GUCY1A2: variants seen among roughly 807,000 people sequenced by gnomAD.
GUCY1A2 encodes the protein guanylate cyclase soluble subunit alpha-2.
A neutral mutation model predicts 63.5 loss-of-function variants in GUCY1A2; 27 were observed. The observed-to-expected ratio is 0.43, with a 90% CI of 0.31 to 0.59. The LOEUF (loss-of-function observed/expected upper bound fraction) is 0.59. Among genes scored for constraint, GUCY1A2 ranks in the 20% least tolerant of loss-of-function variants. GUCY1A2 has a pLI of 0.11. For missense variants in GUCY1A2, 768 were observed against 913.3 expected (o/e 0.84, Z 2.05); for synonymous variants, 364 against 343.5 (o/e 1.06, Z -0.66).
intron 4 of GUCY1A2, among the ~76,000 whole-genome samples, chr11:106,901,936 G>A (rs763409952): frequency 1.3e-4 from 20 of 151,998 alleles, no homozygotes; most frequent in African/African-American, 3.9e-4. Flanking sequence ...GAATAGTGCC[G>A]CAATAACATG....
chr11:106,911,587 T>C (rs1320736798), intron 4 of GUCY1A2, among the ~76,000 whole-genome samples: 1 of 152,050 alleles, frequency 6.6e-6, no homozygotes, highest in East Asian at 1.9e-4. Context: ...GCATGTAAAT[T>C]ACAATTTTAA....
chr11:106,768,042 A>T (rs781689702), intron 6 of GUCY1A2, among the ~76,000 whole-genome samples: 3 of 152,360 alleles, frequency 2.0e-5, no homozygotes, highest in Non-Finnish European at 4.4e-5. Context: ...AAAGCAGAGC[A>T]TCATGACTAA....
intron 4 of GUCY1A2, among the ~76,000 whole-genome samples, chr11:106,883,999 T>C (rs1026160754): frequency 1.3e-5 from 2 of 151,932 alleles, no homozygotes; most frequent in African/African-American, 2.4e-5. Flanking sequence ...ATGAGAACAC[T>C]TGGACACAGG....
At chr11:106,837,795 G>T (rs991017115) in intron 4 of GUCY1A2, among the ~76,000 whole-genome samples, 2 of 151,862 alleles carry the variant, frequency 1.3e-5, no homozygotes, top group African/African-American at 4.8e-5. Flanking sequence ...CCACTGTATT[G>T]CAACTGTTCC....
intron 4 of GUCY1A2, among the ~76,000 whole-genome samples, chr11:106,902,909 C>T (rs1266638351): frequency 2.0e-5 from 3 of 152,174 alleles, no homozygotes; most frequent in African/African-American, 4.8e-5. Flanking sequence ...CTTGAGCATC[C>T]GTGGATTTTG....
intron 1 of GUCY1A2, among the ~76,000 whole-genome samples, chr11:107,015,357 C>T (rs993159812): frequency 2.6e-5 from 4 of 151,888 alleles, no homozygotes; most frequent in Admixed American, 6.6e-5. Flanking sequence ...TTCTTTTCAT[C>T]CAGCAAAAAG....
intron 4 of GUCY1A2, among the ~76,000 whole-genome samples, chr11:106,839,374 G>T (rs1859164092): frequency 6.6e-6 from 1 of 152,042 alleles, no homozygotes; most frequent in East Asian, 2.0e-4. Flanking sequence ...TGCTGGAGGG[G>T]ACGTGGAGAA....
chr11:106,781,150 G>T (rs1864456448), intron 5 of GUCY1A2, among the ~76,000 whole-genome samples: 1 of 140,164 alleles, frequency 7.1e-6, no homozygotes. Flanking sequence ...CTGTCTAAAA[G>T]TTGACTTTGT....
chr11:106,915,012 G>A (rs1308619818), intron 4 of GUCY1A2, among the ~76,000 whole-genome samples: 2 of 152,066 alleles, frequency 1.3e-5, no homozygotes, highest in Admixed American at 6.6e-5. Flanking sequence ...CAGCAATCCT[G>A]CAAAAGTAAA....
chr11:106,891,559 A>G (rs544758143), intron 4 of GUCY1A2, among the ~76,000 whole-genome samples: 137 of 152,206 alleles, frequency 9.0e-4, no homozygotes, highest in African/African-American at 3.0e-3. Flanking sequence ...TAGAAGCTGT[A>G]TTTATGTCTA....
chr11:107,008,948 T>C (rs1017862835), intron 1 of GUCY1A2, among the ~76,000 whole-genome samples: 2 of 152,220 alleles, frequency 1.3e-5, no homozygotes, highest in Non-Finnish European at 2.9e-5. Flanking sequence ...GACTCACGCA[T>C]AACAAATATT....
intron 1 of GUCY1A2, among the ~76,000 whole-genome samples, chr11:107,001,351 A>G (rs1287924431): frequency 6.6e-6 from 1 of 152,160 alleles, no homozygotes; most frequent in East Asian, 1.9e-4. Context: ...GACAGAACTT[A>G]TTTTTTCTTC....
chr11:106,746,102 T>A, intron 6 of GUCY1A2, among the ~76,000 whole-genome samples: 1 of 152,066 alleles, frequency 6.6e-6, no homozygotes, highest in Middle Eastern at 3.4e-3. Context: ...GTAGAAGCCA[T>A]GAATGAAAGC....
In GUCY1A2 at chr11:106,687,760, A is replaced by G; in HGVS notation, c.1992-4T>C. On this transcript the variant is annotated splice_polypyrimidine_tract_variant and splice_region_variant and intron_variant, in intron 7 of 7. Transcript: ENST00000526355. ...ACTTTCTTCTCGTTTTAATAATCTA[A>G]GAAGAAAATACAGAGCACATGAATC... 2 of 1,589,786 alleles carry G rather than the reference A, an allele frequency of 1.3e-6. No homozygotes were observed. Among genetic ancestry groups the G allele is most frequent in the Non-Finnish European group, 1.7e-6 (2 of 1,157,932 alleles).
At chr11:106,718,235 T>C (rs1351948277) in intron 6 of GUCY1A2, among the ~76,000 whole-genome samples, 1 of 152,148 alleles carries the variant, frequency 6.6e-6, no homozygotes, top group Non-Finnish European at 1.5e-5. Context: ...CACTGGTAAT[T>C]TCAGACCATA....
intron 4 of GUCY1A2, among the ~76,000 whole-genome samples, chr11:106,858,304 G>T (rs1259955603): frequency 6.6e-6 from 1 of 152,094 alleles, no homozygotes; most frequent in Non-Finnish European, 1.5e-5. Context: ...TTATTTGTCA[G>T]GGAAAAGATT....
At chr11:106,965,624 G>A (rs1017119127) in intron 3 of GUCY1A2, among the ~76,000 whole-genome samples, 3 of 152,150 alleles carry the variant, frequency 2.0e-5, no homozygotes, top group East Asian at 1.9e-4. Context: ...TATACCTCCT[G>A]CCATGTGGCC....
chr11:106,825,396 A>T (rs1858955219), intron 4 of GUCY1A2, among the ~76,000 whole-genome samples: 1 of 151,456 alleles, frequency 6.6e-6, no homozygotes, highest in Non-Finnish European at 1.5e-5. Flanking sequence ...ACATTGGAAG[A>T]AGAATTGTCT....
At chr11:106,999,781 C>T (rs1042105664) in intron 1 of GUCY1A2, among the ~76,000 whole-genome samples, 10 of 152,046 alleles carry the variant, frequency 6.6e-5, no homozygotes, top group African/African-American at 2.4e-4. Context: ...CCATTAGCAC[C>T]ATTAAGGTGA....
Sources: gnomAD v4.1 joint callset for allele counts (sites outside exome capture counted in the v4.1 genomes callset) on GRCh38, gnomAD v4.1.1 for gene constraint, MANE v1.5 for transcripts, NCBI Gene and HGNC (gene_info 2026-07-23, HGNC 2026-07-21) for gene names.